Variants in CADM1 observed in about 807,000 individuals in gnomAD.
CADM1 encodes the protein cell adhesion molecule 1.
Under a neutral mutation model 53.1 loss-of-function variants are expected in CADM1, and 15 were observed. The observed-to-expected ratio is 0.28, with a 90% CI of 0.19 to 0.44. The LOEUF (loss-of-function observed/expected upper bound fraction) is 0.44, where lower values mean the gene tolerates loss of function less well. Among genes scored for constraint, CADM1 ranks in the 20% least tolerant of loss-of-function variants. CADM1 has a pLI of 1.00. For missense variants in CADM1, 434 were observed against 611.3 expected (o/e 0.71, Z 3.06); for synonymous variants, 281 against 243.0 (o/e 1.16, Z -1.45).
rs377470754 is a variant in CADM1 at position 115,466,740 on chromosome 11, CAA to C, written c.124+37529_124+37530del. ...TTGTGCTGCAATAAGTCTAGAAGGC[CAA>C]AAGAGTTCTAACATTTGTCATGCTT... is the stretch of plus-strand genomic sequence containing the variant. On this transcript the variant is annotated intron_variant, in intron 1 of 11. Coordinates refer to ENST00000331581, the MANE Select transcript of CADM1 (RefSeq NM_001301043.2). Among the ~76,000 whole-genome samples the C allele has an allele frequency of 7.1e-4, 108 of 152,054 alleles. 1 individual carries two copies. In the Middle Eastern group the frequency reaches 0.014, roughly 19 times the overall value.
At chr11:115,279,745 T>C (rs912424345) in intron 1 of CADM1, among the ~76,000 whole-genome samples, 61 of 152,304 alleles carry the variant, frequency 4.0e-4, no homozygotes, top group African/African-American at 1.4e-3. Flanking sequence ...GGGACAAATT[T>C]ATAAAAAATA....
rs540600797 is a variant in CADM1, at chr11:115,410,597, A to G, written c.124+93674T>C. 9.9e-5 allele frequency among the ~76,000 whole-genome samples: 15 copies of G among 152,280 alleles called. No homozygotes were observed. In the South Asian group the frequency reaches 3.1e-3, roughly 32 times the overall value. On this transcript the variant is annotated intron_variant, in intron 1 of 11. Coordinates refer to ENST00000331581, the MANE Select transcript of CADM1 (RefSeq NM_001301043.2). ...ATGTGAAATGATGAGATGGACAAGAACATGACATACAGATGACGGCAAAAA... is the reference window on the plus strand; with the variant it reads ...ATGTGAAATGATGAGATGGACAAGAGCATGACATACAGATGACGGCAAAAA...
chr11:115,446,739 A>C (rs567077018), intron 1 of CADM1, among the ~76,000 whole-genome samples: 1 of 152,314 alleles, frequency 6.6e-6, no homozygotes, highest in Admixed American at 6.5e-5. Context: ...TGCTCTTTCG[A>C]AAGAGCAAGG....
chr11:115,340,658 ATT>A (rs869273547), intron 1 of CADM1, among the ~76,000 whole-genome samples: 30 of 34,930 alleles, frequency 8.6e-4, no homozygotes, highest in Admixed American at 1.6e-3. Flanking sequence ...ATATATATAT[ATT>A]TTTTTTTTTT....
chr11:115,400,578 AATAT>A (rs562563318), intron 1 of CADM1, among the ~76,000 whole-genome samples: 1 of 139,710 alleles, frequency 7.2e-6, no homozygotes, highest in Admixed American at 7.3e-5. Context: ...ATATATATAT[AATAT>A]ATATATATAT....
At position 115,281,214 on chromosome 11, in the gene CADM1, T is replaced by C. The variant is rs139107802; in HGVS notation, c.125-40794A>G. On this transcript the variant is annotated intron_variant, in intron 1 of 11. Coordinates refer to ENST00000331581, the MANE Select transcript of CADM1 (RefSeq NM_001301043.2). ...TGGAAGATGCCTGACCATAGTTGTG[T>C]CAAGCTATTCTGAACAGACCTAACA... Among the ~76,000 whole-genome samples the C allele has an allele frequency of 2.8e-3, 424 of 152,326 alleles. 2 individuals are homozygous for C. Among genetic ancestry groups the C allele is most frequent in the African/African-American group, 9.0e-3 (375 of 41,574 alleles).
intron 1 of CADM1, among the ~76,000 whole-genome samples, chr11:115,308,141 CTGTGTG>C (rs199736406): frequency 0.068 from 9,017 of 133,282 alleles, 459 homozygotes; most frequent in East Asian, 0.26. Flanking sequence ...AACTCTCTCT[CTGTGTG>C]TGTGTGTGTG....
At chr11:115,456,071 G>A (rs1425712249) in intron 1 of CADM1, among the ~76,000 whole-genome samples, 1 of 152,018 alleles carries the variant, frequency 6.6e-6, no homozygotes, top group Non-Finnish European at 1.5e-5. Flanking sequence ...AATTAATGAT[G>A]GTAAAGGAGC....
chr11:115,403,561 T>G (rs1016873078), intron 1 of CADM1, among the ~76,000 whole-genome samples: 2 of 152,120 alleles, frequency 1.3e-5, no homozygotes, highest in African/African-American at 4.8e-5. Flanking sequence ...ATTTTTTTTT[T>G]GGTAAGTCTG....
intron 1 of CADM1, among the ~76,000 whole-genome samples, chr11:115,269,374 A>T (rs1943236391): frequency 6.6e-6 from 1 of 152,114 alleles, no homozygotes; most frequent in Non-Finnish European, 1.5e-5. Flanking sequence ...AAGTGGGCAA[A>T]TTATCAAACT....
At position 115,283,080 on chromosome 11, in the gene CADM1, G is replaced by A. The variant is rs574955396; in HGVS notation, c.125-42660C>T. 5.3e-5 allele frequency among the ~76,000 whole-genome samples: 8 copies of A among 152,220 alleles called. No homozygotes were observed. The East Asian group carries it at 1.5e-3, about 29-fold the overall frequency. ...GATGAATGGCTTTTTAGTTTAGGTT[G>A]CATTATGAGAACAAAACAAGTGGTT... On this transcript the variant is annotated intron_variant, in intron 1 of 11. Coordinates refer to ENST00000331581, the MANE Select transcript of CADM1 (RefSeq NM_001301043.2).
chr11:115,490,291 T>C (rs573326854), intron 1 of CADM1, among the ~76,000 whole-genome samples: 3 of 152,034 alleles, frequency 2.0e-5, no homozygotes, highest in Non-Finnish European at 2.9e-5. Context: ...AGGAGGGAAT[T>C]CTCTATGAGG....
At chr11:115,370,100 G>A (rs1257680450) in intron 1 of CADM1, among the ~76,000 whole-genome samples, 1 of 152,094 alleles carries the variant, frequency 6.6e-6, no homozygotes, top group East Asian at 1.9e-4. Context: ...AACTAAATAA[G>A]TTCTTGACAC....
chr11:115,387,252 C>A (rs763699997), intron 1 of CADM1, among the ~76,000 whole-genome samples: 30 of 152,074 alleles, frequency 2.0e-4, no homozygotes, highest in Non-Finnish European at 3.2e-4. Flanking sequence ...AAATAAATGA[C>A]CAACTTCTAG....
At position 115,328,666 on chromosome 11, in the gene CADM1, CTA is replaced by C. The variant is rs1199680164; in HGVS notation, c.125-88248_125-88247del. On this transcript the variant is annotated intron_variant, in intron 1 of 11. Coordinates refer to ENST00000331581, the MANE Select transcript of CADM1 (RefSeq NM_001301043.2). ...ATAAATATATATATACACACGCACA[CTA>C]TATATATATGTGTATATATATGTGT... Among the ~76,000 whole-genome samples the C allele has an allele frequency of 2.1e-3, 105 of 50,232 alleles. 2 individuals carry two copies. The highest frequency in any genetic ancestry group is 3.1e-3 in the Non-Finnish European group (69 of 22,452). The allele number at this position is 50,232 out of a possible 152,430, so 33.0% of individuals were successfully genotyped here.
intron 1 of CADM1, among the ~76,000 whole-genome samples, chr11:115,397,867 CA>C (rs1591778230): frequency 6.6e-6 from 1 of 152,124 alleles, no homozygotes; most frequent in Non-Finnish European, 1.5e-5. Flanking sequence ...TCCCTAAACC[CA>C]GAGACTACAT....
intron 1 of CADM1, among the ~76,000 whole-genome samples, chr11:115,469,839 T>C (rs1361848908): frequency 6.6e-6 from 1 of 151,972 alleles, no homozygotes; most frequent in Non-Finnish European, 1.5e-5. Context: ...GCCCAGCTAA[T>C]TTTTGTATTT....
At chr11:115,217,275 T>A (rs950002007) in intron 6 of CADM1, among the ~76,000 whole-genome samples, 3 of 152,202 alleles carry the variant, frequency 2.0e-5, no homozygotes, top group Non-Finnish European at 1.5e-5. Context: ...GCAACTCAAG[T>A]GGCTCCTTTA....
intron 1 of CADM1, among the ~76,000 whole-genome samples, chr11:115,460,982 G>T (rs749105200): frequency 2.6e-5 from 4 of 152,106 alleles, no homozygotes; most frequent in Non-Finnish European, 4.4e-5. Context: ...ATTAGCAAAA[G>T]ATCTTTAGTA....
Sources: gnomAD v4.1 joint callset for allele counts (sites outside exome capture counted in the v4.1 genomes callset) on GRCh38, gnomAD v4.1.1 for gene constraint, MANE v1.5 for transcripts, NCBI Gene and HGNC (gene_info 2026-07-23, HGNC 2026-07-21) for gene names.